Variants in RORA observed in about 807,000 individuals in gnomAD.
RORA encodes nuclear receptor ROR-alpha.
RORA carries 7 observed loss-of-function variants against 69.5 expected under a neutral mutation model. That is an observed-to-expected ratio of 0.10 (90% confidence interval 0.06 to 0.19). The LOEUF is 0.19. RORA is among the 10% of genes least tolerant of loss of function. The pLI is 1.00. For missense variants in RORA, 457 were observed against 663.0 expected, an observed-to-expected ratio of 0.69 and a Z score of 3.41; for synonymous variants, 261 against 240.8, an observed-to-expected ratio of 1.08 and a Z score of -0.78.
intron 1 of RORA, among the ~76,000 whole-genome samples, chr15:60,685,182 A>T (rs571187697): frequency 6.4e-4 from 97 of 152,294 alleles, no homozygotes; most frequent in African/African-American, 2.1e-3. Context: ...GGAAGGCAGC[A>T]TTGGAGAGCT....
At chr15:60,651,614 C>T (rs1326529629) in intron 2 of RORA, among the ~76,000 whole-genome samples, 2 of 152,152 alleles carry the variant, frequency 1.3e-5, no homozygotes, top group Non-Finnish European at 2.9e-5. Context: ...TTTACCCAAC[C>T]GCCCTTCCCC....
intron 1 of RORA, among the ~76,000 whole-genome samples, chr15:61,072,392 T>C (rs556242592): frequency 6.6e-6 from 1 of 152,214 alleles, no homozygotes; most frequent in South Asian, 2.1e-4. Context: ...ATATCCAGAG[T>C]GATGGAGGTA....
At chr15:60,967,531 C>G (rs1893589238) in intron 1 of RORA, among the ~76,000 whole-genome samples, 1 of 152,224 alleles carries the variant, frequency 6.6e-6, no homozygotes, top group Non-Finnish European at 1.5e-5. Flanking sequence ...TTTGTTGTTG[C>G]TGTTGTTTTG....
chr15:61,058,539 G>C (rs1461523331), intron 1 of RORA, among the ~76,000 whole-genome samples: 9 of 152,112 alleles, frequency 5.9e-5, no homozygotes, highest in Non-Finnish European at 1.0e-4. Flanking sequence ...TAAGCAAAAG[G>C]GGTAATCTGA....
At chr15:60,584,673 A>G (rs2068281223) in intron 2 of RORA, among the ~76,000 whole-genome samples, 2 of 152,350 alleles carry the variant, frequency 1.3e-5, no homozygotes, top group South Asian at 4.1e-4. Flanking sequence ...AAATTTATTT[A>G]CTTATTTTCA....
rs1159022137 is a variant in RORA at position 60,488,833 on chromosome 15, G to A, written c.*8622C>T. 6.6e-6 allele frequency: 1 copy of A among 151,806 alleles called. No individual in the cohort carries two copies. The highest frequency in any genetic ancestry group is 1.5e-5 in the Non-Finnish European group (1 of 67,942). 9.4% of individuals were successfully genotyped at this position (151,806 alleles called of 1,614,324 possible). A position where few individuals can be genotyped will look rare whatever the true frequency, so the allele number is the denominator to read the frequency against. On this transcript the variant is annotated 3_prime_UTR_variant, in exon 11 of 11. Transcript: ENST00000335670. ...AAACAGAAGTTTGTGAAATTTGTGT[G>A]CTTAATCCTCAAGACCTACACACAA... is the stretch of plus-strand genomic sequence containing the variant.
intron 2 of RORA, among the ~76,000 whole-genome samples, chr15:60,655,426 G>T (rs565192857): frequency 1.3e-5 from 2 of 152,082 alleles, no homozygotes; most frequent in Non-Finnish European, 2.9e-5. Flanking sequence ...AGCACTTAGC[G>T]GCCAATTGCT....
In RORA at chr15:61,213,428, T is replaced by C. The variant is rs907059795; in HGVS notation, c.166+15625A>G. On this transcript the variant is annotated intron_variant, in intron 1 of 10. Transcript: ENST00000335670. The surrounding 1 kb of genome is among the most constrained non-coding windows in gnomAD (Gnocchi z 4.1). ...TTTTCATTTGTTCAAAATTTTGCTA[T>C]AAGACAAGGTCCGAAATGCTTAGGC... Among the ~76,000 whole-genome samples, 1 of 152,172 alleles carries C rather than the reference T, an allele frequency of 6.6e-6. No individual in the cohort carries two copies. The highest frequency in any genetic ancestry group is 1.5e-5 in the Non-Finnish European group (1 of 68,020).
chr15:60,872,259 G>T (rs964630190), intron 1 of RORA, among the ~76,000 whole-genome samples: 4 of 152,180 alleles, frequency 2.6e-5, no homozygotes, highest in Non-Finnish European at 5.9e-5. Flanking sequence ...ATCTCTCACA[G>T]GGGTATTAGG....
In RORA at chr15:61,209,315, C is replaced by T. The variant is rs77014582; in HGVS notation, c.166+19738G>A. 2.6e-3 allele frequency among the ~76,000 whole-genome samples: 397 copies of T among 152,004 alleles called. 1 individual carries two copies. Among genetic ancestry groups the T allele is most frequent in the African/African-American group, 9.0e-3 (374 of 41,456 alleles). On this transcript the variant is annotated intron_variant, in intron 1 of 10. Coordinates refer to ENST00000335670, the MANE Select transcript of RORA (RefSeq NM_134261.3). ...CACTCTAATTTAAAACAATGATACC[C>T]CAGCCTTAATTACCTTGGGTTTCAC...
intron 2 of RORA, among the ~76,000 whole-genome samples, chr15:60,591,776 C>CTT (rs1425961285): frequency 1.3e-5 from 2 of 152,152 alleles, no homozygotes; most frequent in Non-Finnish European, 2.9e-5. Flanking sequence ...GGCCCGCGCG[C>CTT]TTTCGGAAGT....
At chr15:61,110,278 C>T (rs936819694) in intron 1 of RORA, among the ~76,000 whole-genome samples, 5 of 152,052 alleles carry the variant, frequency 3.3e-5, no homozygotes, top group African/African-American at 1.2e-4. Flanking sequence ...CACCTGTAGT[C>T]CCAGATACTA....
chr15:60,775,247 G>A (rs894858208), intron 1 of RORA, among the ~76,000 whole-genome samples: 8 of 152,040 alleles, frequency 5.3e-5, no homozygotes, highest in Non-Finnish European at 8.8e-5. Flanking sequence ...ATTCCCCACC[G>A]AGCCCTGATG....
At chr15:61,209,433 C>T (rs947982524) in intron 1 of RORA, among the ~76,000 whole-genome samples, 2 of 152,120 alleles carry the variant, frequency 1.3e-5, no homozygotes, top group African/African-American at 4.8e-5. Context: ...TTGAAACAAA[C>T]AAATGACAAA....
rs376547136 is a variant in RORA, at chr15:60,907,564, A to G, written c.167-228878T>C. Among the ~76,000 whole-genome samples, 12 of 152,350 alleles carry G rather than the reference A, an allele frequency of 7.9e-5. No homozygotes were observed. In the East Asian group the frequency reaches 1.5e-3, roughly 20 times the overall value. On this transcript the variant is annotated intron_variant, in intron 1 of 10. Coordinates refer to ENST00000335670, the MANE Select transcript of RORA (RefSeq NM_134261.3). ...ATTTGTGAATTATTCGTGCTAGAAGAGGCCATATGTGGAAATTTAACACAG... is the reference window on the plus strand; with the variant it reads ...ATTTGTGAATTATTCGTGCTAGAAGGGGCCATATGTGGAAATTTAACACAG...
chr15:61,069,313 C>T (rs971177068), intron 1 of RORA, among the ~76,000 whole-genome samples: 7 of 152,084 alleles, frequency 4.6e-5, no homozygotes, highest in Non-Finnish European at 8.8e-5. Context: ...TCTTTAAAAA[C>T]GATGACAGTG....
At chr15:61,189,720 G>C (rs1254280453) in intron 1 of RORA, among the ~76,000 whole-genome samples, 1 of 151,930 alleles carries the variant, frequency 6.6e-6, no homozygotes, top group Non-Finnish European at 1.5e-5. Context: ...AGCCAGGAAT[G>C]GTGGCGGGCA....
At chr15:60,724,511 T>C (rs2071333087) in intron 1 of RORA, among the ~76,000 whole-genome samples, 2 of 152,196 alleles carry the variant, frequency 1.3e-5, no homozygotes, top group South Asian at 4.1e-4. Context: ...CCAGGTCTCC[T>C]GATGGGACAG....
chr15:60,911,038 G>T (rs1210001773), intron 1 of RORA, among the ~76,000 whole-genome samples: 1 of 146,992 alleles, frequency 6.8e-6, no homozygotes, highest in Admixed American at 6.7e-5. Context: ...GAGTAGCTGG[G>T]ATTACAGGCG....
Sources: allele counts gnomAD v4.1 joint callset (sites outside exome capture counted in the v4.1 genomes callset), GRCh38; gene constraint gnomAD v4.1.1; non-coding constraint Gnocchi (gnomAD v3.1); transcripts MANE v1.5; gene names NCBI Gene and HGNC (gene_info 2026-07-23, HGNC 2026-07-21).